Variants in SNX25 observed in about 807,000 individuals in gnomAD.
SNX25 encodes the protein sorting nexin-25.
In SNX25, 62 loss-of-function variants were observed where a neutral mutation model predicts 113.7. That is an observed-to-expected ratio of 0.55 (90% CI 0.44 to 0.67). The LOEUF is 0.67. Ranked by LOEUF, SNX25 falls within the 30% of genes least tolerant of loss-of-function variation. The pLI is 0.00. For synonymous variants in SNX25, 421 were observed against 436.2 expected, an observed-to-expected ratio of 0.97 and a Z score of 0.43; for missense variants, 1,014 against 1,161.0, an observed-to-expected ratio of 0.87 and a Z score of 1.84.
intron 1 of SNX25, among the ~76,000 whole-genome samples, chr4:185,211,316 TAAAC>T (rs1185217589): frequency 2.0e-5 from 3 of 152,324 alleles, no homozygotes; most frequent in African/African-American, 4.8e-5. Context: ...AGTAGGCTGA[TAAAC>T]AAGGCAGTAT....
At chr4:185,366,759 C>T (rs930681921), downstream of SNX25, 1 of 152,382 alleles carries the variant, frequency 6.6e-6, no homozygotes, top group African/African-American at 2.4e-5. Flanking sequence ...ATTCAAAATT[C>T]ACAAAACTAA....
At chr4:185,357,516 T>G (rs955248531) in intron 15 of SNX25, among the ~76,000 whole-genome samples, 155 bp from the exon 16 acceptor site, 3 of 152,210 alleles carry the variant, frequency 2.0e-5, no homozygotes, top group African/African-American at 7.2e-5. Context: ...AGAGTTTTCC[T>G]GACCTAAACC....
rs1008313063 is a variant in SNX25 at position 185,210,425 on chromosome 4, C to G, written c.429+170C>G. ...CCGTGGACGCGAGCGTTCCCCGGCGCCCGCGCGCGGCGGGCTCCGGGCTCC... is the reference window on the plus strand; with the variant it reads ...CCGTGGACGCGAGCGTTCCCCGGCGGCCGCGCGCGGCGGGCTCCGGGCTCC... On this transcript the variant is annotated intron_variant, in intron 1 of 18. Transcript: ENST00000652585. The surrounding 1 kb of genome is among the most constrained non-coding windows in gnomAD (Gnocchi z 4.4). 4.4e-5 allele frequency among the ~76,000 whole-genome samples: 6 copies of G among 137,346 alleles called. No individual in the cohort carries two copies. Among genetic ancestry groups the G allele is most frequent in the African/African-American group, 1.5e-4 (6 of 40,274 alleles). 90.1% of individuals were successfully genotyped at this position (137,346 alleles called of 152,430 possible). A position where few individuals can be genotyped will look rare whatever the true frequency, so the allele number is the denominator to read the frequency against.
Position 185,210,281 on chromosome 4 carries a change from A to G in SNX25, c.429+26A>G. On this transcript the variant is annotated intron_variant, in intron 1 of 18. Transcript: ENST00000652585. This position sits in a 1 kb window ranked among gnomAD's most constrained non-coding sequence, Gnocchi z 4.4. ...GTAAGTACCCGACTCCTGGCCGCCC[A>G]GCTCCGCCGGCCCTCCCCGCTTCCG... 1 of 984,236 alleles carries G rather than the reference A, an allele frequency of 1.0e-6. No individual in the cohort carries two copies. Among genetic ancestry groups the G allele is most frequent in the Non-Finnish European group, 1.2e-6 (1 of 829,640 alleles). The allele number at this position is 984,236 out of a possible 1,614,324, so 61.0% of individuals were successfully genotyped here.
chr4:185,306,296 A>G (rs1373399300), intron 6 of SNX25, among the ~76,000 whole-genome samples: 1 of 152,262 alleles, frequency 6.6e-6, no homozygotes, highest in Admixed American at 6.5e-5. Flanking sequence ...AAAAATAAAC[A>G]GAACCATCTA....
At chr4:185,368,976 TAG>T (rs906550566) in intron 11 of SNX25, among the ~76,000 whole-genome samples, 2 of 151,702 alleles carry the variant, frequency 1.3e-5, no homozygotes, top group African/African-American at 4.8e-5. Context: ...GTATTTCTAG[TAG>T]AGATGGGATT....
intron 10 of SNX25, among the ~76,000 whole-genome samples, chr4:185,337,924 G>A (rs75310445): frequency 0.23 from 35,594 of 152,072 alleles, 7,628 homozygotes; most frequent in African/African-American, 0.58. Context: ...ATGATTAGTG[G>A]TGGTGAGCAT....
intron 1 of SNX25, among the ~76,000 whole-genome samples, chr4:185,231,224 G>A (rs536464567): frequency 3.3e-5 from 5 of 151,158 alleles, no homozygotes; most frequent in East Asian, 2.0e-4. Flanking sequence ...TCAGCCTCCC[G>A]AGTAGCCGGG....
the SNX25 span, chr4:185,377,535 C>G: frequency 0.28 from 45,642 of 165,936 alleles, 6,918 homozygotes; most frequent in African/African-American, 0.41. Context: ...ACAACAACAA[C>G]AACAAACAAT....
At chr4:185,268,604 G>T (rs1164000005) in intron 5 of SNX25, among the ~76,000 whole-genome samples, 1 of 152,158 alleles carries the variant, frequency 6.6e-6, no homozygotes, top group Non-Finnish European at 1.5e-5. Context: ...TGATGGAAAA[G>T]TAAAATATTG....
intron 5 of SNX25, among the ~76,000 whole-genome samples, chr4:185,280,933 C>T (rs1750477476): frequency 6.6e-6 from 1 of 152,188 alleles, no homozygotes; most frequent in African/African-American, 2.4e-5. Context: ...GGAAACGAGA[C>T]CCTGGATCCA....
intron 6 of SNX25, among the ~76,000 whole-genome samples, chr4:185,291,974 G>T (rs536553762): frequency 1.2e-4 from 18 of 152,140 alleles, no homozygotes; most frequent in African/African-American, 2.4e-4. Flanking sequence ...TCCCTTTTTT[G>T]TGTGTGTGAA....
At chr4:185,208,203 G>T (rs3108238), upstream of SNX25, among the ~76,000 whole-genome samples, 1 of 151,640 alleles carries the variant, frequency 6.6e-6, no homozygotes, top group Non-Finnish European at 1.5e-5. Context: ...CCACCTCCGG[G>T]GTTCAAGTTT....
At chr4:185,361,773 C>A (rs1579938899) in intron 16 of SNX25, 151 bp from the exon 17 acceptor site, 1 of 474,906 alleles carries the variant, frequency 2.1e-6, no homozygotes. Context: ...ATATAACTTT[C>A]AGAGCCAGAG....
chr4:185,300,470 G>A (rs773388927), intron 6 of SNX25, among the ~76,000 whole-genome samples: 3 of 151,342 alleles, frequency 2.0e-5, no homozygotes, highest in South Asian at 2.1e-4. Flanking sequence ...GCCTGGCCAC[G>A]AATTCTTTTT....
intron 2 of SNX25, among the ~76,000 whole-genome samples, chr4:185,248,397 CCT>C (rs778481770): frequency 1.7e-4 from 26 of 152,228 alleles, no homozygotes; most frequent in Admixed American, 9.2e-4. Context: ...GTGGCTCATG[CCT>C]GTAATCCTAG....
At chr4:185,250,941 A>T (rs1198882563) in intron 2 of SNX25, among the ~76,000 whole-genome samples, 6 of 152,156 alleles carry the variant, frequency 3.9e-5, no homozygotes, top group Non-Finnish European at 8.8e-5. Flanking sequence ...AAATAGACAT[A>T]ACATAAAATT....
At chr4:185,211,051 CTGAG>C (rs1737710063) in intron 1 of SNX25, among the ~76,000 whole-genome samples, 1 of 152,198 alleles carries the variant, frequency 6.6e-6, no homozygotes, top group Admixed American at 6.5e-5. Flanking sequence ...CACTGCTTGA[CTGAG>C]TGATACCATC....
At chr4:185,370,366 T>A (rs573087432), downstream of SNX25, among the ~76,000 whole-genome samples, 1 of 152,312 alleles carries the variant, frequency 6.6e-6, no homozygotes, top group East Asian at 1.9e-4. Context: ...AGCTTTAAGG[T>A]CTTGGTGCTG....
Sources: gnomAD v4.1 joint callset for allele counts (sites outside exome capture counted in the v4.1 genomes callset) on GRCh38, gnomAD v4.1.1 for gene constraint, Gnocchi (gnomAD v3.1) non-coding constraint, MANE v1.5 for transcripts, NCBI Gene and HGNC (gene_info 2026-07-23, HGNC 2026-07-21) for gene names.